The following ZNF438 variants were observed in gnomAD, a reference collection of about 807,000 sequenced individuals.
ZNF438 encodes zinc finger protein 438.
ZNF438 carries 25 observed loss-of-function variants against 38.0 expected under a neutral mutation model. The ratio of observed to expected loss-of-function variants is 0.66; its 90% CI spans 0.48 to 0.92. The LOEUF (loss-of-function observed/expected upper bound fraction) is 0.92. Ranked by LOEUF, ZNF438 falls within the 40% of genes least tolerant of loss-of-function variation. The probability of loss-of-function intolerance (pLI) is 0.00; values close to 1 mark genes in which losing one functional copy is unlikely to be tolerated. For missense variants in ZNF438, 1,007 were observed against 999.6 expected (o/e 1.01, Z -0.10); for synonymous variants, 372 against 364.1 (o/e 1.02, Z -0.25).
chr10:31,028,159 A>T (rs1341260090), intron 1 of ZNF438, among the ~76,000 whole-genome samples: 1 of 152,120 alleles, frequency 6.6e-6, no homozygotes, highest in Non-Finnish European at 1.5e-5. Flanking sequence ...AATACATGTC[A>T]ATGTTAGAGA....
intron 1 of ZNF438, among the ~76,000 whole-genome samples, chr10:30,995,497 A>T (rs2053952136): frequency 6.6e-6 from 1 of 152,256 alleles, no homozygotes; most frequent in Non-Finnish European, 1.5e-5. Context: ...TTCACAAGAA[A>T]TACTAAAGGA....
chr10:30,946,502 A>C (rs1554871068), intron 1 of ZNF438, among the ~76,000 whole-genome samples: 1 of 152,172 alleles, frequency 6.6e-6, no homozygotes, highest in Non-Finnish European at 1.5e-5. Context: ...TTACAAGAAA[A>C]AAACAAACAA....
At chr10:31,009,744 T>C (rs761052132) in intron 1 of ZNF438, among the ~76,000 whole-genome samples, 3 of 152,192 alleles carry the variant, frequency 2.0e-5, no homozygotes, top group African/African-American at 4.8e-5. Context: ...ACCCTATTTT[T>C]TTTAAATGCA....
At chr10:30,853,026 T>C (rs910673276) in intron 4 of ZNF438, among the ~76,000 whole-genome samples, 5 of 152,154 alleles carry the variant, frequency 3.3e-5, no homozygotes, top group Admixed American at 3.3e-4. Flanking sequence ...TAAATCAGGA[T>C]TGAGAGACTT....
intron 3 of ZNF438, among the ~76,000 whole-genome samples, chr10:30,902,808 G>A (rs549094298): frequency 1.8e-4 from 28 of 152,360 alleles, no homozygotes; most frequent in African/African-American, 4.8e-4. Flanking sequence ...CAGTGTGCCC[G>A]CACTCCTCAG....
At chr10:30,899,914 T>A (rs2041790477) in intron 3 of ZNF438, among the ~76,000 whole-genome samples, 1 of 152,230 alleles carries the variant, frequency 6.6e-6, no homozygotes, top group Non-Finnish European at 1.5e-5. Flanking sequence ...ATTAAAATTA[T>A]ATACTTTCTT....
At chr10:30,851,508 T>C (rs1303891388) in intron 4 of ZNF438, among the ~76,000 whole-genome samples, 2 of 152,254 alleles carry the variant, frequency 1.3e-5, no homozygotes, top group African/African-American at 2.4e-5. Context: ...ATCCCTTTTC[T>C]GAAATTTTTG....
chr10:30,897,405 A>C (rs1258980683), intron 3 of ZNF438, among the ~76,000 whole-genome samples: 3 of 152,210 alleles, frequency 2.0e-5, no homozygotes, highest in Non-Finnish European at 4.4e-5. Context: ...GTTTCAGGTA[A>C]TCTTGTTCAG....
At chr10:30,910,810 C>T (rs73250801) in intron 2 of ZNF438, among the ~76,000 whole-genome samples, 5,030 of 151,514 alleles carry the variant, frequency 0.033, 293 homozygotes, top group African/African-American at 0.11. Flanking sequence ...GGTTCCTAGG[C>T]CAATCTAAAT....
intron 4 of ZNF438, among the ~76,000 whole-genome samples, chr10:30,873,660 G>T (rs2133543785): frequency 6.6e-6 from 1 of 152,272 alleles, no homozygotes; most frequent in South Asian, 2.1e-4. Context: ...TCTAATTAAG[G>T]ACATGCACAT....
At chr10:30,883,407 A>C (rs939203807) in intron 3 of ZNF438, among the ~76,000 whole-genome samples, 1 of 152,180 alleles carries the variant, frequency 6.6e-6, no homozygotes, top group Non-Finnish European at 1.5e-5. Flanking sequence ...AGCCATCATC[A>C]TTATCATCAT....
intron 3 of ZNF438, among the ~76,000 whole-genome samples, chr10:30,885,893 A>G (rs2039892114): frequency 6.6e-6 from 1 of 152,244 alleles, no homozygotes; most frequent in Non-Finnish European, 1.5e-5. Context: ...GGGAGATGCT[A>G]GCCATCTTCA....
intron 2 of ZNF438, among the ~76,000 whole-genome samples, chr10:30,910,795 T>G (rs1330003238): frequency 6.6e-6 from 1 of 151,904 alleles, no homozygotes; most frequent in African/African-American, 2.4e-5. Flanking sequence ...GTGTAAGCAT[T>G]CTGTGGTTCC....
intron 3 of ZNF438, among the ~76,000 whole-genome samples, chr10:30,884,185 T>C (rs1240896185): frequency 6.6e-6 from 1 of 152,190 alleles, no homozygotes; most frequent in Non-Finnish European, 1.5e-5. Context: ...GTATTTCATG[T>C]AGGACACCCA....
rs547997911 is a variant in ZNF438, at chr10:30,901,228, C to T, written c.-32+7705G>A. Reference sequence around the variant, plus strand: ...GTTCTGTGTGCTGGCATCCTAAATGCAAGTGGAACTCTTCAGGGATCATAT... The same window carrying T: ...GTTCTGTGTGCTGGCATCCTAAATGTAAGTGGAACTCTTCAGGGATCATAT... On this transcript the variant is annotated intron_variant, in intron 3 of 5. Transcript: ENST00000413025. 2.6e-5 allele frequency among the ~76,000 whole-genome samples: 4 copies of T among 152,308 alleles called. No individual in the cohort carries two copies. In the South Asian group the frequency reaches 8.3e-4, roughly 32 times the overall value.
chr10:30,905,985 T>C (rs138052774), intron 3 of ZNF438, among the ~76,000 whole-genome samples: 1 of 152,316 alleles, frequency 6.6e-6, no homozygotes, highest in East Asian at 1.9e-4. Flanking sequence ...AGTCTTGAAA[T>C]TGAGAATGGG....
intron 4 of ZNF438, among the ~76,000 whole-genome samples, chr10:30,858,847 G>C (rs2035113017): frequency 6.6e-6 from 1 of 152,146 alleles, no homozygotes; most frequent in East Asian, 1.9e-4. Flanking sequence ...TGACATGCAG[G>C]GCAACTTCCA....
intron 1 of ZNF438, among the ~76,000 whole-genome samples, chr10:31,026,632 C>T (rs996332743): frequency 1.4e-4 from 22 of 152,170 alleles, no homozygotes; most frequent in Non-Finnish European, 2.9e-5. Context: ...AACACTTTTA[C>T]ATTGTTGGTG....
chr10:31,005,303 G>T (rs768399526), intron 1 of ZNF438, among the ~76,000 whole-genome samples: 6 of 152,106 alleles, frequency 3.9e-5, no homozygotes, highest in Non-Finnish European at 8.8e-5. Context: ...GTACATGCAC[G>T]TACGTAAATG....
Sources: allele counts gnomAD v4.1 joint callset (sites outside exome capture counted in the v4.1 genomes callset), GRCh38; gene constraint gnomAD v4.1.1; transcripts MANE v1.5; gene names NCBI Gene and HGNC (gene_info 2026-07-23, HGNC 2026-07-21).